The following NLRP9 variants were observed in gnomAD, a reference collection of about 807,000 sequenced individuals.
NLRP9 encodes NLR family pyrin domain containing 9.
Under a neutral mutation model 83.1 loss-of-function variants are expected in NLRP9, and 88 were observed. The observed-to-expected ratio is 1.06, with a 90% CI of 0.89 to 1.26. The LOEUF is 1.26. Ranked by LOEUF, NLRP9 falls within the 50% of genes most tolerant of loss-of-function variation. NLRP9 has a pLI of 0.00. For synonymous variants in NLRP9, 521 were observed against 447.6 expected, an observed-to-expected ratio of 1.16 and a Z score of -2.07; for missense variants, 1,308 against 1,179.3, an observed-to-expected ratio of 1.11 and a Z score of -1.60.
chr19:55,726,602 TCC>T (rs1208097982), intron 3 of NLRP9, among the ~76,000 whole-genome samples: 2 of 152,190 alleles, frequency 1.3e-5, no homozygotes, highest in African/African-American at 4.8e-5. Flanking sequence ...CCACTCTGTT[TCC>T]AGAAACTATT....
chr19:55,731,281 C>CT (rs1355087622), intron 2 of NLRP9, among the ~76,000 whole-genome samples: 3 of 151,484 alleles, frequency 2.0e-5, no homozygotes, highest in East Asian at 3.9e-4. Context: ...CAGGAGTCCC[C>CT]TCTCAGTGGG....
At chr19:55,728,533 C>T (rs1988467729) in intron 3 of NLRP9, among the ~76,000 whole-genome samples, 1 of 152,040 alleles carries the variant, frequency 6.6e-6, no homozygotes, top group Admixed American at 6.6e-5. Flanking sequence ...GATCATTCCA[C>T]TGCACTCCAG....
At chr19:55,711,709 C>A in intron 8 of NLRP9, 91 bp downstream of exon 8, 4 of 1,295,630 alleles carry the variant, frequency 3.1e-6, no homozygotes, top group Middle Eastern at 1.9e-4. Context: ...ACCCTCCAGC[C>A]TGGCATCCAT....
chr19:55,709,158 TG>T, intron 8 of NLRP9, 114 bp from the exon 9 acceptor site: 1 of 687,166 alleles, frequency 1.5e-6, no homozygotes, highest in Non-Finnish European at 2.2e-6. Flanking sequence ...TAGAAATCAC[TG>T]GGAGAATTGT....
chr19:55,715,639 G>C (rs917757721), intron 5 of NLRP9, among the ~76,000 whole-genome samples: 2 of 152,114 alleles, frequency 1.3e-5, no homozygotes, highest in African/African-American at 4.8e-5. Context: ...AGCTGAGATC[G>C]TGCCACTGCA....
chr19:55,716,644 T>G (rs1371153548), intron 5 of NLRP9, 84 bp downstream of exon 5: 1 of 1,137,730 alleles, frequency 8.8e-7, no homozygotes, highest in Non-Finnish European at 1.3e-6. Context: ...CACCCCTCAG[T>G]GAGCACCGCG....
intron 3 of NLRP9, among the ~76,000 whole-genome samples, chr19:55,728,444 T>A (rs998082197): frequency 6.6e-6 from 1 of 152,072 alleles, no homozygotes; most frequent in Non-Finnish European, 1.5e-5. Flanking sequence ...TCGTGGTGCA[T>A]GCCTGTAATC....
chr19:55,723,006 A>G (rs1241265312), intron 4 of NLRP9, among the ~76,000 whole-genome samples: 5 of 152,010 alleles, frequency 3.3e-5, no homozygotes, highest in African/African-American at 1.2e-4. Flanking sequence ...GTGGGTGGGG[A>G]GCTGGGGGAG....
At chr19:55,716,091 T>A (rs1170391069) in intron 5 of NLRP9, among the ~76,000 whole-genome samples, 5 of 152,196 alleles carry the variant, frequency 3.3e-5, no homozygotes, top group African/African-American at 9.7e-5. Context: ...TTAATCACAA[T>A]GTACCGTATA....
intron 8 of NLRP9, among the ~76,000 whole-genome samples, chr19:55,710,105 A>T (rs1349988373): frequency 1.3e-5 from 2 of 152,194 alleles, no homozygotes; most frequent in African/African-American, 4.8e-5. Flanking sequence ...GTTTCCTTTC[A>T]GCTACAGCGA....
At chr19:55,716,351 T>C (rs56379439) in intron 5 of NLRP9, among the ~76,000 whole-genome samples, 28,906 of 149,142 alleles carry the variant, frequency 0.19, 2,952 homozygotes, top group Middle Eastern at 0.25. Context: ...CTCCACCTCC[T>C]GGGTTCAAGG....
intron 3 of NLRP9, among the ~76,000 whole-genome samples, chr19:55,727,047 G>C (rs768333699): frequency 6.6e-6 from 1 of 152,154 alleles, no homozygotes; most frequent in Admixed American, 6.5e-5. Context: ...GAGGTCAGGA[G>C]TTTGAGACCA....
At chr19:55,720,550 C>T (rs752159674) in intron 4 of NLRP9, among the ~76,000 whole-genome samples, 1 of 151,966 alleles carries the variant, frequency 6.6e-6, no homozygotes, top group East Asian at 1.9e-4. Flanking sequence ...GGCTGGTCTC[C>T]AACTCCTGGC....
In NLRP9 at chr19:55,730,142, A is replaced by G. The variant is rs988206036; in HGVS notation, c.1833-150T>C. The G allele has an allele frequency of 1.5e-5, 10 of 666,596 alleles. No homozygotes were observed. The African/African-American group carries it at 1.8e-4, about 12-fold the overall frequency. The allele number at this position is 666,596 out of a possible 1,614,324, so 41.3% of individuals were successfully genotyped here. On this transcript the variant is annotated intron_variant, in intron 2 of 8. Coordinates refer to ENST00000332836, the MANE Select transcript of NLRP9 (RefSeq NM_176820.4). ...AAGGTCAGCCAGGTAAACGGAGCCA[A>G]CATGACATAATAGTTAGAAAGTAGG... is the stretch of plus-strand genomic sequence containing the variant.
Position 55,723,727 on chromosome 19 carries a change from CAAAAAAA to C in NLRP9, c.2159+246_2159+252del, listed in dbSNP as rs10711721. Among the ~76,000 whole-genome samples the C allele has an allele frequency of 3.8e-5, 3 of 79,824 alleles. No homozygotes were observed. The East Asian group carries it at 1.1e-3, about 30-fold the overall frequency. The allele number at this position is 79,824 out of a possible 152,430, so 52.4% of individuals were successfully genotyped here. A position where few individuals can be genotyped will look rare whatever the true frequency, so the allele number is the denominator to read the frequency against. On this transcript the variant is annotated intron_variant, in intron 4 of 8. Transcript: ENST00000332836. ...TGGGCAACAGAGTGAGACCCTGTCT[CAAAAAAA>C]AAAAAAAAAAAAAAAGAAGTAATTA... is the stretch of plus-strand genomic sequence containing the variant.
rs59545375 is a variant in NLRP9 at position 55,734,363 on chromosome 19, CAAAAAAAAAAAA to C, written c.281-825_281-814del. 3.3e-3 allele frequency among the ~76,000 whole-genome samples: 251 copies of C among 76,694 alleles called. 2 individuals are homozygous for C. Among genetic ancestry groups the C allele is most frequent in the Non-Finnish European group, 4.9e-3 (209 of 42,318 alleles). 50.3% of individuals were successfully genotyped at this position (76,694 alleles called of 152,430 possible). On this transcript the variant is annotated intron_variant, in intron 1 of 8. Transcript: ENST00000332836. Reference sequence around the variant, plus strand: ...TGGGCAACAGCCTGACACTCTATCTCAAAAAAAAAAAAAAAAAAAAAAAAAAAAAAATTACTA... The same window carrying C: ...TGGGCAACAGCCTGACACTCTATCTCAAAAAAAAAAAAAAAAAAATTACTA...
In NLRP9 at chr19:55,711,965, T is replaced by C; in HGVS notation, c.2678A>G (p.Gln893Arg). The change falls in exon 8 of 9, where the codon CAA becomes CGA. Residue 893 changes from glutamine (Q) to arginine (R), a missense_variant. Physicochemically the swap from Gln to Arg is conservative, Grantham distance 43. Transcript: ENST00000332836. ...GCAGGCACGGGTGATCGGACACGTT[T>C]GCAGCCTGCAAAAGGGAAACACACC... ...PHCKLECLGLQTCPITRACCD... is the reference protein window; with the variant it reads ...PHCKLECLGLRTCPITRACCD... 4 of 1,612,338 alleles carry C rather than the reference T, an allele frequency of 2.5e-6. No individual in the cohort carries two copies. The highest frequency in any genetic ancestry group is 3.4e-6 in the Non-Finnish European group (4 of 1,179,388).
In NLRP9 at chr19:55,717,580, C is replaced by T. The variant is rs996437779; in HGVS notation, c.2160-682G>A. On this transcript the variant is annotated intron_variant, in intron 4 of 8. Coordinates refer to ENST00000332836, the MANE Select transcript of NLRP9 (RefSeq NM_176820.4). The stretch of plus-strand genomic sequence containing the variant: ...CTGCCACAAAGAAGTATCCAGAACT[C>T]GATAAATCTGACTCTCTGTCAATAG... Among the ~76,000 whole-genome samples the T allele has an allele frequency of 9.8e-5, 15 of 152,300 alleles. No homozygotes were observed. The South Asian group carries it at 1.2e-3, about 13-fold the overall frequency.
Position 55,712,536 on chromosome 19 carries a change from A to AAGAAC in NLRP9, c.2551_2555dup (p.Ile853PhefsTer8). 6.2e-7 allele frequency: 1 copy of AAGAAC among 1,612,728 alleles called. No individual in the cohort carries two copies. On this transcript the variant is annotated frameshift_variant, in exon 7 of 9. Transcript: ENST00000332836. LOFTEE classifies it high-confidence loss of function. ...GGGTCTTCAGTTTCCCATTGCAAAT[A>AAGAAC]AGAACAGCAGCAATGTCCTTACAGG...
Sources: gnomAD v4.1 joint callset for allele counts (sites outside exome capture counted in the v4.1 genomes callset) on GRCh38, gnomAD v4.1.1 for gene constraint, MANE v1.5 for transcripts, NCBI Gene and HGNC (gene_info 2026-07-23, HGNC 2026-07-21) for gene names.